Variants in TRUB2 observed in about 807,000 individuals in gnomAD.
The protein encoded by TRUB2 is pseudouridylate synthase TRUB2, mitochondrial.
A neutral mutation model predicts 31.9 loss-of-function variants in TRUB2; 31 were observed. That is an observed-to-expected ratio of 0.97 (90% CI 0.73 to 1.31). The LOEUF (loss-of-function observed/expected upper bound fraction) is 1.31, where lower values mean the gene tolerates loss of function less well. Ranked by LOEUF, TRUB2 falls within the 50% of genes most tolerant of loss-of-function variation. The pLI is 0.00. For missense variants in TRUB2, 451 were observed against 439.6 expected (o/e 1.03, Z -0.23); for synonymous variants, 201 against 182.6 (o/e 1.10, Z -0.81).
chr9:128,314,511 C>T (rs1244191568), intron 4 of TRUB2, among the ~76,000 whole-genome samples: 2 of 152,100 alleles, frequency 1.3e-5, no homozygotes, highest in Non-Finnish European at 2.9e-5. Context: ...GTGACTCACA[C>T]GTATAATCCC....
chr9:128,312,555 C>T (rs1245882062), intron 5 of TRUB2, among the ~76,000 whole-genome samples: 7 of 150,976 alleles, frequency 4.6e-5, no homozygotes, highest in African/African-American at 1.5e-4. Flanking sequence ...CTCAGCCTCC[C>T]GAGTACCTGG....
rs1023408583 is a variant in TRUB2, at chr9:128,309,616, C to T, written c.930G>A (p.Pro310=). The T allele has an allele frequency of 5.6e-6, 9 of 1,614,028 alleles. No homozygotes were observed. Among genetic ancestry groups the T allele is most frequent in the Admixed American group, 3.3e-5 (2 of 59,986 alleles). ...GGCCCTGGGAGTCCCAGGACCATCC[C>T]GGACTGGGGAGCTGCTTGGTGTCCA... ...PGLDTKQLPS[P]GWSWDSQGPS... is the part of the protein sequence containing the mutation. Residue 310 remains proline (P), a synonymous_variant, in exon 8 of 8, where the codon CCG becomes CCA. Coordinates refer to ENST00000372890, the MANE Select transcript of TRUB2 (RefSeq NM_015679.3).
At chr9:128,311,811 C>G (rs912455030) in intron 5 of TRUB2, among the ~76,000 whole-genome samples, 7 of 150,550 alleles carry the variant, frequency 4.6e-5, no homozygotes, top group Non-Finnish European at 1.0e-4. Context: ...ATACACATGA[C>G]TCAGCAGCAA....
In TRUB2 at chr9:128,322,333, G is replaced by A. The variant is rs747414475; in HGVS notation, c.76C>T (p.Leu26=). 37 of 1,614,150 alleles carry A rather than the reference G, an allele frequency of 2.3e-5. No homozygotes were observed. Among genetic ancestry groups the A allele is most frequent in the Admixed American group, 6.7e-5 (4 of 60,006 alleles). The change falls in exon 1 of 8, where the codon CTG becomes TTG. Residue 26 remains leucine, a synonymous_variant. Coordinates refer to ENST00000372890, the MANE Select transcript of TRUB2 (RefSeq NM_015679.3). The stretch of plus-strand genomic sequence containing the variant: ...AGTTGTAGCTCCACTGTATCCCGCA[G>A]GTGCTTCCATTTTAGCCCCGGGGGC... The part of the protein sequence containing the change: ...YKPPGLKWKH[L]RDTVELQLLK...
At chr9:128,311,264 T>C in intron 6 of TRUB2, 1 of 624,874 alleles carries the variant, frequency 1.6e-6, no homozygotes, top group South Asian at 2.0e-5. Context: ...TGTGCTCCAA[T>C]GATGTGGTCC....
chr9:128,315,715 C>A, intron 3 of TRUB2, 87 bp from the exon 4 acceptor site: 1 of 1,441,974 alleles, frequency 6.9e-7, no homozygotes, highest in South Asian at 1.2e-5. Context: ...CATCAGAATA[C>A]TCCCTTTTCT....
At chr9:128,314,344 G>C (rs190331321) in intron 4 of TRUB2, among the ~76,000 whole-genome samples, 81 of 152,176 alleles carry the variant, frequency 5.3e-4, no homozygotes, top group Admixed American at 2.0e-3. Context: ...GCCCCTTCTA[G>C]CATGCCCTGT....
intron 7 of TRUB2, 131 bp from the exon 8 acceptor site, chr9:128,310,006 G>A: frequency 9.8e-7 from 1 of 1,016,356 alleles, no homozygotes; most frequent in Non-Finnish European, 1.4e-6. Context: ...TCTCCAGGTT[G>A]TGCTATTCAG....
rs1831956531 is a variant in TRUB2 at position 128,310,906 on chromosome 9, T to C, written c.651A>G (p.Ala217=). Residue 217 remains alanine, a synonymous_variant, in exon 7 of 8, where the codon GCA becomes GCG. Coordinates refer to ENST00000372890, the MANE Select transcript of TRUB2 (RefSeq NM_015679.3). Reference sequence around the variant, plus strand: ...ACCTACCTAAGAGGAATTCCGGAGGTGCAAAGTAGAGGCATCGGATGCCAG... The same window carrying C: ...ACCTACCTAAGAGGAATTCCGGAGGCGCAAAGTAGAGGCATCGGATGCCAG... ...LITGIRCLYF[A]PPEFLLEVQC... is the part of the protein sequence containing the mutation. 2 of 1,614,004 alleles carry C rather than the reference T, an allele frequency of 1.2e-6. No homozygotes were observed. The highest frequency in any genetic ancestry group is 1.3e-5 in the African/African-American group (1 of 74,906).
In TRUB2 at chr9:128,321,628, C is replaced by T; in HGVS notation, c.212G>A (p.Ser71Asn). The change falls in exon 2 of 8, where the codon AGC (serine) becomes AAC (asparagine). Residue 71 changes from serine to asparagine, a missense_variant. Transcript: ENST00000372890. ...EEKELTLTAT[S>N]VPSFINHPLV... ...TGGATGGTTGATGAAAGAGGGTACG[C>T]TGGTGGCTGTGAGGGTCAGCTCCTT... The T allele has an allele frequency of 6.2e-7, 1 of 1,614,066 alleles. No individual in the cohort carries two copies. Among genetic ancestry groups the T allele is most frequent in the Non-Finnish European group, 8.5e-7 (1 of 1,180,008 alleles).
chr9:128,313,065 A>C (rs1014019402), intron 5 of TRUB2, among the ~76,000 whole-genome samples: 2 of 151,912 alleles, frequency 1.3e-5, no homozygotes, highest in African/African-American at 4.8e-5. Context: ...AAAATACAAA[A>C]CATTAGCTGG....
chr9:128,313,147 G>A (rs1365325940), intron 5 of TRUB2, among the ~76,000 whole-genome samples: 5 of 151,892 alleles, frequency 3.3e-5, no homozygotes, highest in Non-Finnish European at 7.4e-5. Flanking sequence ...AACCTGGGAG[G>A]TGGAGGTTGC....
rs192871943 is a variant in TRUB2 at position 128,308,671 on chromosome 9, G to A, written c.*879C>T. 2.1e-4 allele frequency: 32 copies of A among 152,222 alleles called. No homozygotes were observed. The highest frequency in any genetic ancestry group is 6.7e-4 in the African/African-American group (28 of 41,540). 9.4% of individuals were successfully genotyped at this position (152,222 alleles called of 1,614,324 possible). A position where few individuals can be genotyped will look rare whatever the true frequency, so the allele number is the denominator to read the frequency against. On this transcript the variant is annotated 3_prime_UTR_variant, in exon 8 of 8. Coordinates refer to ENST00000372890, the MANE Select transcript of TRUB2 (RefSeq NM_015679.3). ...CTTTAAGAGAAAAGACTGAGGTCCC[G>A]GCCAGGTGCGGTGGCTCACGCCTGT...
chr9:128,314,058 C>T (rs948178955), intron 4 of TRUB2, among the ~76,000 whole-genome samples, 169 bp from the exon 5 acceptor site: 3 of 152,212 alleles, frequency 2.0e-5, no homozygotes, highest in African/African-American at 7.2e-5. Context: ...CCAGCTCTGT[C>T]ATGTGGCCTT....
rs2131452059 is a variant in TRUB2 at position 128,317,169 on chromosome 9, T to G, written c.299A>C (p.Gln100Pro). 1.3e-6 allele frequency: 2 copies of G among 1,586,404 alleles called. No individual in the cohort carries two copies. The highest frequency in any genetic ancestry group is 1.7e-4 in the Middle Eastern group (1 of 6,036). Residue 100 changes from glutamine (Q) to proline (P), a missense_variant, in exon 3 of 8, where the codon CAG becomes CCG. Transcript: ENST00000372890. ...TCACCTACCAAGTACTCCAGAAGCC[T>G]GGGCATCCAACCGATGTCCCACGCC... ...KVGVGHRLDA[Q>P]ASGVLVLGVG...
chr9:128,319,274 C>T (rs978207338), intron 2 of TRUB2, among the ~76,000 whole-genome samples: 3 of 150,038 alleles, frequency 2.0e-5, no homozygotes, highest in South Asian at 2.1e-4. Flanking sequence ...TGCAGTGAGC[C>T]GAGATCGTGC....
At chr9:128,322,245 G>C (rs1044439188) in intron 1 of TRUB2, 55 bp downstream of exon 1, 1 of 1,485,236 alleles carries the variant, frequency 6.7e-7, no homozygotes, top group Non-Finnish European at 9.4e-7. Flanking sequence ...CAGAAGCGGA[G>C]ATGGACTTCC....
At position 128,321,594 on chromosome 9, in the gene TRUB2, C is replaced by T; in HGVS notation, c.241+5G>A. The T allele has an allele frequency of 1.2e-6, 2 of 1,613,986 alleles. No homozygotes were observed. The highest frequency in any genetic ancestry group is 1.7e-6 in the Non-Finnish European group (2 of 1,179,938). ...CACACAGGATCCTGCTTAAATCTGC[C>T]TTACCCAGTGGATGGTTGATGAAAG... On this transcript the variant is annotated splice_donor_5th_base_variant and intron_variant, in intron 2 of 7. Transcript: ENST00000372890.
Position 128,313,905 on chromosome 9 carries a change from G to T in TRUB2, c.379-16C>A. 6.2e-7 allele frequency: 1 copy of T among 1,612,904 alleles called. No individual in the cohort carries two copies. The highest frequency in any genetic ancestry group is 8.5e-7 in the Non-Finnish European group (1 of 1,179,048). On this transcript the variant is annotated splice_polypyrimidine_tract_variant and intron_variant, in intron 4 of 7. Transcript: ENST00000372890. ...CTGTGTAATCCTTCAAGGACAGGGA[G>T]GTAAAGATCCGTCAGTGACCCCATT...
Sources: allele counts gnomAD v4.1 joint callset (sites outside exome capture counted in the v4.1 genomes callset), GRCh38; gene constraint gnomAD v4.1.1; transcripts MANE v1.5; gene names NCBI Gene and HGNC (gene_info 2026-07-23, HGNC 2026-07-21).